Variants in PALLD observed in about 807,000 individuals in gnomAD.
The protein encoded by PALLD is palladin.
A neutral mutation model predicts 123.5 loss-of-function variants in PALLD; 61 were observed. That is an observed-to-expected ratio of 0.49 (90% confidence interval 0.40 to 0.61). The LOEUF (loss-of-function observed/expected upper bound fraction) is 0.61. Ranked by LOEUF, PALLD falls within the 20% of genes least tolerant of loss-of-function variation. PALLD has a pLI of 0.00. For synonymous variants in PALLD, 465 were observed against 496.4 expected, an observed-to-expected ratio of 0.94 and a Z score of 0.84; for missense variants, 1,273 against 1,377.0, an observed-to-expected ratio of 0.92 and a Z score of 1.20.
chr4:168,916,684 C>CTT (rs545906704), intron 17 of PALLD, among the ~76,000 whole-genome samples: 70,655 of 136,346 alleles, frequency 0.52, 21,716 homozygotes, highest in East Asian at 0.87. Flanking sequence ...TTTTCTAATT[C>CTT]TTTTTTTTTT....
chr4:168,882,372 C>T (rs1442524501), intron 10 of PALLD, among the ~76,000 whole-genome samples: 2 of 152,200 alleles, frequency 1.3e-5, no homozygotes, highest in African/African-American at 2.4e-5. Flanking sequence ...TCTAACATTT[C>T]TTGATTAAAG....
chr4:168,648,119 T>C (rs1435084019), intron 2 of PALLD: 1 of 152,006 alleles, frequency 6.6e-6, no homozygotes, highest in Non-Finnish European at 1.5e-5. Context: ...TATAAAGAGA[T>C]AGTATGCTCC....
At chr4:168,672,863 G>C (rs1281985780) in intron 3 of PALLD, among the ~76,000 whole-genome samples, 2 of 152,066 alleles carry the variant, frequency 1.3e-5, no homozygotes, top group Admixed American at 1.3e-4. Flanking sequence ...GTTTTAAAAG[G>C]CTAAGTAATG....
chr4:168,502,075 T>C (rs1561178791), intron 1 of PALLD, among the ~76,000 whole-genome samples: 2 of 152,220 alleles, frequency 1.3e-5, no homozygotes, highest in Non-Finnish European at 2.9e-5. Flanking sequence ...CTATCTTCTT[T>C]CCAGCTATGT....
At chr4:168,528,052 C>T (rs575299608) in intron 2 of PALLD, among the ~76,000 whole-genome samples, 14 of 152,288 alleles carry the variant, frequency 9.2e-5, no homozygotes, top group East Asian at 5.8e-4. Flanking sequence ...CATACTCTGA[C>T]GATACCTTCA....
intron 7 of PALLD, among the ~76,000 whole-genome samples, 188 bp downstream of exon 7, chr4:168,690,932 T>A (rs1405280551): frequency 6.6e-6 from 1 of 152,192 alleles, no homozygotes; most frequent in Non-Finnish European, 1.5e-5. Context: ...CTAATGAAAG[T>A]CATATATTCT....
intron 2 of PALLD, among the ~76,000 whole-genome samples, chr4:168,652,606 A>G (rs2149924396): frequency 6.6e-6 from 1 of 152,372 alleles, no homozygotes; most frequent in Non-Finnish European, 1.5e-5. Flanking sequence ...GGGAAGAAAC[A>G]TTGGAAACTT....
In PALLD at chr4:168,658,201, C is replaced by T. The variant is rs114208163; in HGVS notation, c.909-9989C>T. ...TAGAAGCAATCTAAGATTTTAATAGCTTCTGGCAGCACAGATATTTAGTAG... is the reference window on the plus strand; with the variant it reads ...TAGAAGCAATCTAAGATTTTAATAGTTTCTGGCAGCACAGATATTTAGTAG... On this transcript the variant is annotated intron_variant, in intron 2 of 21. Transcript: ENST00000505667. 8.9e-3 allele frequency among the ~76,000 whole-genome samples: 1,344 copies of T among 151,716 alleles called. 20 individuals are homozygous for T. Among genetic ancestry groups the T allele is most frequent in the African/African-American group, 0.03 (1,251 of 41,326 alleles).
At chr4:168,679,703 T>C (rs1174687318) in intron 3 of PALLD, among the ~76,000 whole-genome samples, 1 of 151,916 alleles carries the variant, frequency 6.6e-6, no homozygotes, top group East Asian at 1.9e-4. Flanking sequence ...GAAAATGAAG[T>C]TGGAAATCAT....
rs1774614506 is a variant in PALLD, at chr4:168,620,120, T to C, written c.909-48070T>C. 2.6e-5 allele frequency among the ~76,000 whole-genome samples: 4 copies of C among 152,340 alleles called. No individual in the cohort carries two copies. In the South Asian group the frequency reaches 8.3e-4, roughly 32 times the overall value. On this transcript the variant is annotated intron_variant, in intron 2 of 21. Coordinates refer to ENST00000505667, the MANE Select transcript of PALLD (RefSeq NM_001166108.2). The stretch of plus-strand genomic sequence containing the variant: ...CTAAAAATGTCATTAATGGGCTTGA[T>C]TAATGATACTTAATTTTGTGTTTGC...
chr4:168,631,700 G>A, intron 2 of PALLD: 1 of 985,478 alleles, frequency 1.0e-6, no homozygotes, highest in Non-Finnish European at 1.2e-6. Context: ...GGAGCCGGCG[G>A]GGCCCAGGAC....
At position 168,537,381 on chromosome 4, in the gene PALLD, T is replaced by C. The variant is rs558836751; in HGVS notation, c.908+24969T>C. Among the ~76,000 whole-genome samples, 10 of 152,334 alleles carry C rather than the reference T, an allele frequency of 6.6e-5. No homozygotes were observed. In the South Asian group the frequency reaches 1.9e-3, roughly 28 times the overall value. On this transcript the variant is annotated intron_variant, in intron 2 of 21. Transcript: ENST00000505667. ...TGCTAAAAAATTGTATTTTCAATGA[T>C]TGAAGCAATTATTCTACATAATTTT...
At chr4:168,830,231 C>CAAAAA (rs1156711141) in intron 10 of PALLD, among the ~76,000 whole-genome samples, 1 of 73,236 alleles carries the variant, frequency 1.4e-5, no homozygotes, top group South Asian at 5.4e-4. Flanking sequence ...GACTTTGTCT[C>CAAAAA]AAAAAAAAAA....
At chr4:168,813,804 A>C (rs10003482) in intron 10 of PALLD, among the ~76,000 whole-genome samples, 4,817 of 152,210 alleles carry the variant, frequency 0.032, 266 homozygotes, top group African/African-American at 0.11. Flanking sequence ...CTTGATCTGT[A>C]TAATATTTGG....
intron 2 of PALLD, among the ~76,000 whole-genome samples, chr4:168,573,906 T>C (rs1769256402): frequency 6.6e-6 from 1 of 152,096 alleles, no homozygotes; most frequent in Non-Finnish European, 1.5e-5. Flanking sequence ...CGTTTGAATC[T>C]TAATTAAAGA....
chr4:168,569,145 T>C (rs1480605352), intron 2 of PALLD, among the ~76,000 whole-genome samples: 2 of 152,104 alleles, frequency 1.3e-5, no homozygotes, highest in African/African-American at 2.4e-5. Context: ...GAGCATCTTA[T>C]CAGCAAGCAC....
At chr4:168,825,794 C>G (rs1743337370) in intron 10 of PALLD, among the ~76,000 whole-genome samples, 1 of 152,144 alleles carries the variant, frequency 6.6e-6, no homozygotes, top group Non-Finnish European at 1.5e-5. Flanking sequence ...TCTAAGCACC[C>G]TGGAAATCTA....
At chr4:168,638,103 C>T (rs759677932) in intron 2 of PALLD, among the ~76,000 whole-genome samples, 6 of 152,106 alleles carry the variant, frequency 3.9e-5, no homozygotes, top group African/African-American at 2.4e-5. Flanking sequence ...GCCTTAATTC[C>T]ATTCCCAAGC....
At chr4:168,779,351 T>G (rs1561513968) in intron 10 of PALLD, among the ~76,000 whole-genome samples, 1 of 152,302 alleles carries the variant, frequency 6.6e-6, no homozygotes, top group South Asian at 2.1e-4. Flanking sequence ...AATTACTCCT[T>G]TGTTCTTCAG....
Sources: allele counts gnomAD v4.1 joint callset (sites outside exome capture counted in the v4.1 genomes callset), GRCh38; gene constraint gnomAD v4.1.1; transcripts MANE v1.5; gene names NCBI Gene and HGNC (gene_info 2026-07-23, HGNC 2026-07-21).